Variants in SHISA9 observed in about 807,000 individuals in gnomAD.
SHISA9 encodes shisa family member 9, also known as protein shisa-9.
SHISA9 carries 13 observed loss-of-function variants against 38.0 expected under a neutral mutation model. The observed-to-expected ratio is 0.34, with a 90% CI of 0.22 to 0.54. The LOEUF (loss-of-function observed/expected upper bound fraction) is 0.54, where lower values mean the gene tolerates loss of function less well. SHISA9 is among the 20% of genes least tolerant of loss of function. SHISA9 has a pLI of 0.91. For missense variants in SHISA9, 538 were observed against 575.8 expected, an observed-to-expected ratio of 0.93 and a Z score of 0.67; for synonymous variants, 275 against 242.0, an observed-to-expected ratio of 1.14 and a Z score of -1.27.
rs1287488229 is a variant in SHISA9 at position 12,970,444 on chromosome 16, CATAT to C, written c.691+53637_691+53640del. ...ACATATATGTATATATATATACACA[CATAT>C]ATATATACATATATGTGTGTGTATA... On this transcript the variant is annotated intron_variant, in intron 2 of 4. Coordinates refer to ENST00000558583, the MANE Select transcript of SHISA9 (RefSeq NM_001145204.3). 4.3e-5 allele frequency among the ~76,000 whole-genome samples: 2 copies of C among 46,602 alleles called. 1 individual carries two copies. The highest frequency in any genetic ancestry group is 6.9e-4 in the Admixed American group (2 of 2,878). The allele number at this position is 46,602 out of a possible 152,430, so 30.6% of individuals were successfully genotyped here.
At chr16:13,265,425 T>G in the SHISA9 span, among the ~76,000 whole-genome samples, 1 of 79,962 alleles carries the variant, frequency 1.3e-5, no homozygotes, top group East Asian at 4.2e-4. Flanking sequence ...CCCCCTCCCC[T>G]CCTCTTCCCT....
the SHISA9 span, among the ~76,000 whole-genome samples, chr16:13,372,302 C>A: frequency 6.6e-6 from 1 of 152,146 alleles, no homozygotes; most frequent in Non-Finnish European, 1.5e-5. Flanking sequence ...TAACAAGGTG[C>A]TGGGTGCTGG....
intron 2 of SHISA9, among the ~76,000 whole-genome samples, chr16:13,169,149 TG>T (rs1391254072): frequency 6.6e-6 from 1 of 152,200 alleles, no homozygotes; most frequent in Non-Finnish European, 1.5e-5. Context: ...CCATTTCCTT[TG>T]TCTTACAGTT....
At chr16:13,216,184 CAAAAA>C (rs929173872) in intron 4 of SHISA9, among the ~76,000 whole-genome samples, 3 of 113,044 alleles carry the variant, frequency 2.7e-5, no homozygotes, top group Admixed American at 9.2e-5. Context: ...GAGACTCTGT[CAAAAA>C]AAAAAAAAAA....
chr16:13,428,957 G>A, the SHISA9 span, among the ~76,000 whole-genome samples: 6 of 151,992 alleles, frequency 3.9e-5, no homozygotes, highest in East Asian at 5.8e-4. Flanking sequence ...AGTAGAGACC[G>A]GGTTTTGCTA....
chr16:13,440,873 G>C, the SHISA9 span, among the ~76,000 whole-genome samples: 2 of 151,480 alleles, frequency 1.3e-5, no homozygotes, highest in East Asian at 3.9e-4. Flanking sequence ...AGTGAGCTGA[G>C]ATCGTGCCAC....
At chr16:13,013,318 C>G (rs193232143) in intron 2 of SHISA9, among the ~76,000 whole-genome samples, 15 of 152,156 alleles carry the variant, frequency 9.9e-5, no homozygotes, top group Admixed American at 5.2e-4. Flanking sequence ...GAGTCAAGGA[C>G]GCCTATAGCC....
At chr16:13,244,934 G>C (rs919874579), downstream of SHISA9, among the ~76,000 whole-genome samples, 3 of 152,112 alleles carry the variant, frequency 2.0e-5, no homozygotes, top group African/African-American at 7.2e-5. Flanking sequence ...ACTTACTTTT[G>C]AGACAGGATC....
chr16:12,973,944 A>T (rs1207157245), intron 2 of SHISA9, among the ~76,000 whole-genome samples: 1 of 152,230 alleles, frequency 6.6e-6, no homozygotes, highest in Admixed American at 6.5e-5. Context: ...TGCCTGTGGC[A>T]TAAAAGTATG....
chr16:13,337,693 T>C, the SHISA9 span, among the ~76,000 whole-genome samples: 2 of 152,220 alleles, frequency 1.3e-5, no homozygotes, highest in Non-Finnish European at 2.9e-5. Flanking sequence ...TCAAATCTCA[T>C]GTTGAATTGT....
chr16:13,333,568 T>C, the SHISA9 span, among the ~76,000 whole-genome samples: 3 of 152,196 alleles, frequency 2.0e-5, no homozygotes, highest in Non-Finnish European at 2.9e-5. Flanking sequence ...TCAGACTTCC[T>C]GGAGCCAAGA....
chr16:13,475,359 T>TTA, the SHISA9 span, among the ~76,000 whole-genome samples: 5 of 111,084 alleles, frequency 4.5e-5, no homozygotes, highest in East Asian at 7.0e-4. Context: ...ACATATATAT[T>TTA]TATATATATA....
the SHISA9 span, among the ~76,000 whole-genome samples, chr16:13,327,676 A>T: frequency 6.6e-6 from 1 of 151,694 alleles, no homozygotes; most frequent in Non-Finnish European, 1.5e-5. Context: ...TTTTTTTTTG[A>T]GACAGGGTCT....
intron 2 of SHISA9, among the ~76,000 whole-genome samples, chr16:13,050,374 C>G (rs2073236998): frequency 1.3e-5 from 2 of 152,070 alleles, no homozygotes; most frequent in African/African-American, 4.8e-5. Flanking sequence ...CTCCGTCACC[C>G]AGGCTGGAGT....
intron 2 of SHISA9, among the ~76,000 whole-genome samples, chr16:13,019,911 C>T (rs1409623621): frequency 3.0e-5 from 2 of 66,476 alleles, no homozygotes; most frequent in African/African-American, 9.6e-5. Context: ...TTCTTTCTTT[C>T]TTTCTTTCTT....
At chr16:13,280,975 C>A in the SHISA9 span, among the ~76,000 whole-genome samples, 1 of 151,836 alleles carries the variant, frequency 6.6e-6, no homozygotes, top group Non-Finnish European at 1.5e-5. Context: ...AGTAATTTTG[C>A]AGTCTTTGCC....
At chr16:13,006,041 G>A (rs1042504690) in intron 2 of SHISA9, among the ~76,000 whole-genome samples, 7 of 152,200 alleles carry the variant, frequency 4.6e-5, no homozygotes, top group African/African-American at 1.7e-4. Flanking sequence ...TTGGGCTACA[G>A]ATGGGCAGTG....
chr16:13,370,298 G>C, the SHISA9 span, among the ~76,000 whole-genome samples: 29 of 152,122 alleles, frequency 1.9e-4, no homozygotes, highest in Non-Finnish European at 2.9e-4. Context: ...GTGGGAAATG[G>C]GATGTAGAGT....
the SHISA9 span, among the ~76,000 whole-genome samples, chr16:13,499,744 C>T: frequency 6.6e-6 from 1 of 152,162 alleles, no homozygotes; most frequent in Non-Finnish European, 1.5e-5. Flanking sequence ...GCACTTTGAA[C>T]ATATGAGTGC....
Sources: allele counts gnomAD v4.1 joint callset (sites outside exome capture counted in the v4.1 genomes callset), GRCh38; gene constraint gnomAD v4.1.1; transcripts MANE v1.5; gene names NCBI Gene and HGNC (gene_info 2026-07-23, HGNC 2026-07-21).